The following CEP85L variants were observed in gnomAD, a reference collection of about 807,000 sequenced individuals.
The protein encoded by CEP85L is centrosomal protein of 85 kDa-like.
CEP85L carries 60 observed loss-of-function variants against 100.3 expected under a neutral mutation model. The observed-to-expected ratio is 0.60, with a 90% CI of 0.49 to 0.74. The LOEUF is 0.74. Among genes scored for constraint, CEP85L ranks in the 30% least tolerant of loss-of-function variants. The pLI is 0.00. For missense variants in CEP85L, 973 were observed against 936.2 expected (o/e 1.04, Z -0.51); for synonymous variants, 319 against 322.7 (o/e 0.99, Z 0.12).
rs1781291759 is a variant in CEP85L at position 118,593,364 on chromosome 6, A to G, written c.233-27048T>C. ...TATAAATACCTGAAAAAGAATTTAA[A>G]AAAAAAAAAAGAAAAGAAAAGAAAT... On this transcript the variant is annotated intron_variant, in intron 2 of 12. Transcript: ENST00000368491. 4.0e-5 allele frequency among the ~76,000 whole-genome samples: 6 copies of G among 151,830 alleles called. No homozygotes were observed. In the South Asian group the frequency reaches 1.2e-3, roughly 31 times the overall value.
upstream of CEP85L, chr6:118,652,644 A>G: frequency 6.6e-7 from 1 of 1,523,722 alleles, no homozygotes; most frequent in Non-Finnish European, 8.9e-7. Flanking sequence ...ATTGGGAAAT[A>G]CTACTTAAAA....
intron 2 of CEP85L, among the ~76,000 whole-genome samples, chr6:118,621,961 A>C (rs913745511): frequency 2.0e-5 from 3 of 152,284 alleles, no homozygotes; most frequent in Admixed American, 6.5e-5. Flanking sequence ...AACAGACCCT[A>C]GTACATGCTC....
chr6:118,662,445 G>A (rs558843146), intron 1 of CEP85L, among the ~76,000 whole-genome samples: 16 of 151,832 alleles, frequency 1.1e-4, no homozygotes, highest in Admixed American at 3.9e-4. Context: ...CAGGAGAATC[G>A]CTTGAACCCA....
In CEP85L at chr6:118,651,533, G is replaced by A. The variant is rs1323984949; in HGVS notation, c.-264C>T. On this transcript the variant is annotated 5_prime_UTR_variant, in exon 1 of 13. Coordinates refer to ENST00000368491, the MANE Select transcript of CEP85L (RefSeq NM_001042475.3). ...GGCGACTCGGCGGTGACGGCTGCTA[G>A]ATCCCCGGCTGAGCCCAGGCTCAAA... is the stretch of plus-strand genomic sequence containing the variant. 1 of 1,265,196 alleles carries A rather than the reference G, an allele frequency of 7.9e-7. No homozygotes were observed. Among genetic ancestry groups the A allele is most frequent in the African/African-American group, 1.6e-5 (1 of 64,038 alleles). The allele number at this position is 1,265,196 out of a possible 1,614,324, so 78.4% of individuals were successfully genotyped here. A position where few individuals can be genotyped will look rare whatever the true frequency, so the allele number is the denominator to read the frequency against.
chr6:118,707,867 A>G (rs1000809810), intron 1 of CEP85L, among the ~76,000 whole-genome samples: 1 of 152,008 alleles, frequency 6.6e-6, no homozygotes, highest in African/African-American at 2.4e-5. Context: ...GAAAATAAAA[A>G]TTAAACATTG....
chr6:118,571,229 G>A (rs1406965064), intron 2 of CEP85L, among the ~76,000 whole-genome samples: 1 of 152,044 alleles, frequency 6.6e-6, no homozygotes, highest in Non-Finnish European at 1.5e-5. Flanking sequence ...TGCTTGATTA[G>A]GCTACCTAAT....
intron 1 of CEP85L, among the ~76,000 whole-genome samples, chr6:118,679,945 C>T (rs79536104): frequency 0.047 from 7,194 of 151,680 alleles, 340 homozygotes; most frequent in African/African-American, 0.11. Context: ...GCTTCCTTCT[C>T]TGCCAGGAAG....
chr6:118,692,125 T>G lies in CEP85L; in HGVS notation c.-28+17911A>C, dbSNP rs545211074. ...CCCATCCCTTTCTGGGTCTTAATGA[T>G]GACAAGGCCAAATATTTGAGAATAT... On this transcript the variant is annotated intron_variant, in intron 1 of 13. Coordinates refer to the CEP85L transcript ENST00000368488. 1.4e-4 allele frequency among the ~76,000 whole-genome samples: 21 copies of G among 152,162 alleles called. No homozygotes were observed. The South Asian group carries it at 4.4e-3, about 32-fold the overall frequency.
At chr6:118,571,206 G>T (rs1468663248) in intron 2 of CEP85L, among the ~76,000 whole-genome samples, 1 of 152,128 alleles carries the variant, frequency 6.6e-6, no homozygotes. Flanking sequence ...TAGATATAAT[G>T]CAATTCCTAA....
At chr6:118,485,585 C>A (rs993029605) in intron 6 of CEP85L, among the ~76,000 whole-genome samples, 1 of 152,174 alleles carries the variant, frequency 6.6e-6, no homozygotes, top group African/African-American at 2.4e-5. Flanking sequence ...GAATAGAAAA[C>A]CTTACATACT....
intron 3 of CEP85L, among the ~76,000 whole-genome samples, chr6:118,527,664 A>T (rs1777055726): frequency 6.6e-6 from 1 of 152,198 alleles, no homozygotes; most frequent in South Asian, 2.1e-4. Flanking sequence ...AGCTAGTAAA[A>T]GCTAAACAAA....
At chr6:118,544,964 A>T (rs1389798692) in intron 3 of CEP85L, among the ~76,000 whole-genome samples, 1 of 152,150 alleles carries the variant, frequency 6.6e-6, no homozygotes, top group Non-Finnish European at 1.5e-5. Context: ...TTTAAAATTT[A>T]AGGCAGTAAT....
intron 2 of CEP85L, among the ~76,000 whole-genome samples, chr6:118,578,924 C>A (rs1007144028): frequency 1.3e-5 from 2 of 152,054 alleles, no homozygotes; most frequent in African/African-American, 4.8e-5. Flanking sequence ...GAGACAAAGT[C>A]TCACTCTGTC....
chr6:118,692,752 G>GAC (rs1777086152), intron 1 of CEP85L, among the ~76,000 whole-genome samples: 4 of 62,668 alleles, frequency 6.4e-5, no homozygotes, highest in South Asian at 4.9e-4. Context: ...GTTAAGGGCA[G>GAC]AAGAAACAAG....
rs564576940 is a variant in CEP85L at position 118,608,218 on chromosome 6, G to A, written c.232+24235C>T. On this transcript the variant is annotated intron_variant, in intron 2 of 12. Coordinates refer to ENST00000368491, the MANE Select transcript of CEP85L (RefSeq NM_001042475.3). ...TTTGTGACTTAAGAACATTTCTGCT[G>A]GGCACGGTGGCTCACACCTGTGATC... Among the ~76,000 whole-genome samples the A allele has an allele frequency of 7.3e-4, 111 of 152,186 alleles. 1 individual carries two copies. The highest frequency in any genetic ancestry group is 2.5e-3 in the African/African-American group (104 of 41,544).
intron 1 of CEP85L, among the ~76,000 whole-genome samples, chr6:118,645,742 T>C (rs184903710): frequency 6.6e-6 from 1 of 152,206 alleles, no homozygotes; most frequent in East Asian, 1.9e-4. Flanking sequence ...CAAGCCTCCG[T>C]AGAGCAAGAA....
At chr6:118,612,545 C>T (rs1374324575) in intron 2 of CEP85L, among the ~76,000 whole-genome samples, 1 of 150,732 alleles carries the variant, frequency 6.6e-6, no homozygotes, top group Non-Finnish European at 1.5e-5. Flanking sequence ...GCCTGTAGTC[C>T]CAGCTACTGG....
At chr6:118,551,372 T>C (rs1778533989) in intron 3 of CEP85L, among the ~76,000 whole-genome samples, 1 of 133,066 alleles carries the variant, frequency 7.5e-6, no homozygotes, top group Non-Finnish European at 1.6e-5. Context: ...TAATAGGGGG[T>C]ATATTTATTA....
intron 11 of CEP85L, 92 bp from the exon 12 acceptor site, chr6:118,469,395 A>G: frequency 2.1e-6 from 2 of 954,616 alleles, no homozygotes; most frequent in Non-Finnish European, 1.6e-6. Context: ...CAAGTCTATA[A>G]ACAAAACGAT....
Sources: allele counts gnomAD v4.1 joint callset (sites outside exome capture counted in the v4.1 genomes callset), GRCh38; gene constraint gnomAD v4.1.1; transcripts MANE v1.5; gene names NCBI Gene and HGNC (gene_info 2026-07-23, HGNC 2026-07-21).